The following NBEAL1 variants were observed in gnomAD, a reference collection of about 807,000 sequenced individuals.
NBEAL1 encodes the protein neurobeachin-like protein 1.
In NBEAL1, 273 loss-of-function variants were observed where a neutral mutation model predicts 351.3. That is an observed-to-expected ratio of 0.78 (90% CI 0.70 to 0.86). The LOEUF (loss-of-function observed/expected upper bound fraction) is 0.86. Among genes scored for constraint, NBEAL1 ranks in the 40% least tolerant of loss-of-function variants. NBEAL1 has a pLI of 0.00. For missense variants in NBEAL1, 2,961 were observed against 3,201.3 expected, an observed-to-expected ratio of 0.92 and a Z score of 1.81; for synonymous variants, 1,050 against 1,086.4, an observed-to-expected ratio of 0.97 and a Z score of 0.66.
intron 14 of NBEAL1, among the ~76,000 whole-genome samples, chr2:203,109,897 G>A (rs955260291): frequency 6.6e-6 from 1 of 152,262 alleles, no homozygotes; most frequent in African/African-American, 2.4e-5. Flanking sequence ...TTGAAAATTA[G>A]TAGTTTTACT....
intron 48 of NBEAL1, among the ~76,000 whole-genome samples, chr2:203,197,991 A>G (rs2065284871): frequency 6.7e-6 from 1 of 149,874 alleles, no homozygotes; most frequent in Admixed American, 6.6e-5. Flanking sequence ...GTGAATTTCA[A>G]TCCTTATATA....
intron 30 of NBEAL1, 104 bp from the exon 31 acceptor site, chr2:203,138,516 G>A (rs1216077860): frequency 3.2e-6 from 4 of 1,248,486 alleles, no homozygotes; most frequent in Non-Finnish European, 4.4e-6. Context: ...CATTGGACTA[G>A]CTTTTGAAAT....
intron 24 of NBEAL1, among the ~76,000 whole-genome samples, chr2:203,128,982 C>T (rs1019953610): frequency 2.6e-5 from 4 of 152,092 alleles, no homozygotes; most frequent in Admixed American, 6.5e-5. Flanking sequence ...CTTACATTAT[C>T]CCGTTTAATC....
At chr2:203,171,852 C>A in intron 39 of NBEAL1, 76 bp from the exon 40 acceptor site, 34 of 534,940 alleles carry the variant, frequency 6.4e-5, no homozygotes, top group Non-Finnish European at 8.4e-5. Context: ...ATTCTTGGTA[C>A]TGTCAGTAAT....
intron 2 of NBEAL1, among the ~76,000 whole-genome samples, chr2:203,024,779 T>C (rs1255396790): frequency 6.6e-6 from 1 of 151,886 alleles, no homozygotes; most frequent in African/African-American, 2.4e-5. Context: ...GGAGAATCGC[T>C]TGAACCTGGG....
rs1201164072 is a variant in NBEAL1, at chr2:203,034,752, C to T, written c.52-7013C>T. Among the ~76,000 whole-genome samples the T allele has an allele frequency of 1.3e-5, 2 of 148,652 alleles. 1 individual carries two copies. Among genetic ancestry groups the T allele is most frequent in the Non-Finnish European group, 3.0e-5 (2 of 66,348 alleles). The stretch of plus-strand genomic sequence containing the variant: ...TACAGGCCTGAGACACTGTGCCTGG[C>T]TGGCCTGTACTTATTAAACATTTTA... On this transcript the variant is annotated intron_variant, in intron 2 of 55. Coordinates refer to ENST00000683969, the MANE Select transcript of NBEAL1 (RefSeq NM_001378026.1).
intron 10 of NBEAL1, among the ~76,000 whole-genome samples, chr2:203,088,219 A>G (rs946303655): frequency 2.0e-5 from 3 of 152,210 alleles, no homozygotes; most frequent in African/African-American, 4.8e-5. Flanking sequence ...TTATTATGAT[A>G]TATATTGGAA....
intron 2 of NBEAL1, among the ~76,000 whole-genome samples, chr2:203,019,484 T>C (rs931722689): frequency 6.6e-6 from 1 of 152,240 alleles, no homozygotes; most frequent in Non-Finnish European, 1.5e-5. Flanking sequence ...AAGTGTCTGC[T>C]GTTTTGTTGC....
intron 42 of NBEAL1, among the ~76,000 whole-genome samples, chr2:203,176,971 G>A (rs1442923068): frequency 2.6e-5 from 4 of 151,810 alleles, no homozygotes; most frequent in Non-Finnish European, 5.9e-5. Context: ...AGGCAACAAG[G>A]CAAAACCCCA....
At chr2:203,097,225 G>A (rs933018522) in intron 10 of NBEAL1, among the ~76,000 whole-genome samples, 22 of 152,122 alleles carry the variant, frequency 1.4e-4, no homozygotes, top group African/African-American at 5.1e-4. Context: ...TGAGATTTGG[G>A]TGGGGACACA....
At position 203,107,797 on chromosome 2, in the gene NBEAL1, A is replaced by G. The variant is rs201228567; in HGVS notation, c.1558A>G (p.Ile520Val). The change falls in exon 14 of 56, where the codon ATT becomes GTT. Residue 520 changes from isoleucine (I) to valine (V), a missense_variant. Coordinates refer to ENST00000683969, the MANE Select transcript of NBEAL1 (RefSeq NM_001378026.1). Reference protein sequence around the residue: ...RTTCVNANMGIRIIETLDLHS... With the variant: ...RTTCVNANMGVRIIETLDLHS... The stretch of plus-strand genomic sequence containing the variant: ...TACTTGTGTCAATGCAAACATGGGG[A>G]TTAGAATCATTGAAACCCTTGACTT... The G allele has an allele frequency of 7.5e-5, 117 of 1,554,324 alleles. 1 individual carries two copies. Among genetic ancestry groups the G allele is most frequent in the Non-Finnish European group, 4.4e-6 (5 of 1,147,744 alleles).
chr2:203,041,871 T>A lies in NBEAL1; in HGVS notation c.143+15T>A. The A allele has an allele frequency of 6.6e-7, 1 of 1,521,080 alleles. No homozygotes were observed. The highest frequency in any genetic ancestry group is 8.9e-7 in the Non-Finnish European group (1 of 1,119,570). 94.2% of individuals were successfully genotyped at this position (1,521,080 alleles called of 1,614,324 possible). A position where few individuals can be genotyped will look rare whatever the true frequency, so the allele number is the denominator to read the frequency against. ...CTGCCTACCAGGTATGTAGAAACGC[T>A]AATTTGTAACCCCTGGATGAGTTTT... On this transcript the variant is annotated intron_variant, in intron 3 of 55. Transcript: ENST00000683969.
intron 35 of NBEAL1, among the ~76,000 whole-genome samples, chr2:203,153,999 A>G (rs1173628143): frequency 6.6e-6 from 1 of 151,632 alleles, no homozygotes; most frequent in Non-Finnish European, 1.5e-5. Flanking sequence ...TAATCCCAGC[A>G]CTTTGGGAGG....
rs376474117 is a variant in NBEAL1, at chr2:203,219,394, G to A, written c.*2040G>A. The A allele has an allele frequency of 1.3e-5, 2 of 152,118 alleles. No homozygotes were observed. The highest frequency in any genetic ancestry group is 6.5e-5 in the Admixed American group (1 of 15,282). The allele number at this position is 152,118 out of a possible 1,614,324, so 9.4% of individuals were successfully genotyped here. A position where few individuals can be genotyped will look rare whatever the true frequency, so the allele number is the denominator to read the frequency against. ...TTAGATAATTAGAAAAAATGCCTAA[G>A]TTTATGATGTTTTACTATGCTGCTT... On this transcript the variant is annotated 3_prime_UTR_variant, in exon 56 of 56. Coordinates refer to ENST00000683969, the MANE Select transcript of NBEAL1 (RefSeq NM_001378026.1).
intron 12 of NBEAL1, among the ~76,000 whole-genome samples, chr2:203,100,633 G>A (rs1383076876): frequency 1.4e-5 from 2 of 147,970 alleles, no homozygotes; most frequent in Non-Finnish European, 1.5e-5. Context: ...TGCAACCTCC[G>A]CCTCCTGGTT....
At chr2:203,142,894 T>C (rs2063416102) in intron 31 of NBEAL1, among the ~76,000 whole-genome samples, 2 of 152,056 alleles carry the variant, frequency 1.3e-5, no homozygotes, top group East Asian at 1.9e-4. Context: ...GGTAGAGAAG[T>C]CAGAGCTTTG....
At chr2:203,153,321 T>TC (rs398038023) in intron 35 of NBEAL1, among the ~76,000 whole-genome samples, 1 of 150,090 alleles carries the variant, frequency 6.7e-6, no homozygotes, top group Non-Finnish European at 1.5e-5. Context: ...TTTTTTTTTT[T>TC]GGTAGAGACA....
At chr2:203,163,450 C>A (rs1258924531) in intron 36 of NBEAL1, among the ~76,000 whole-genome samples, 1 of 151,808 alleles carries the variant, frequency 6.6e-6, no homozygotes, top group Non-Finnish European at 1.5e-5. Context: ...TTTATATATT[C>A]TAAAAACTGT....
At chr2:203,126,143 G>C in intron 21 of NBEAL1, 50 bp downstream of exon 21, 2 of 1,467,790 alleles carry the variant, frequency 1.4e-6, no homozygotes, top group Non-Finnish European at 1.8e-6. Flanking sequence ...GTGATTTGCA[G>C]TTGATGTTGG....
Sources: gnomAD v4.1 joint callset for allele counts (sites outside exome capture counted in the v4.1 genomes callset) on GRCh38, gnomAD v4.1.1 for gene constraint, MANE v1.5 for transcripts, NCBI Gene and HGNC (gene_info 2026-07-23, HGNC 2026-07-21) for gene names.